Variants in DGKB observed in about 807,000 individuals in gnomAD.
The protein encoded by DGKB is 90 kDa diacylglycerol kinase.
A neutral mutation model predicts 114.3 loss-of-function variants in DGKB; 67 were observed. The observed-to-expected ratio is 0.59, with a 90% CI of 0.48 to 0.72. DGKB has a LOEUF of 0.72. Among genes scored for constraint, DGKB ranks in the 30% least tolerant of loss-of-function variants. The pLI is 0.00. For missense variants in DGKB, 907 were observed against 975.2 expected (o/e 0.93, Z 0.93); for synonymous variants, 398 against 323.1 (o/e 1.23, Z -2.49).
intron 1 of DGKB, among the ~76,000 whole-genome samples, chr7:14,955,121 T>C (rs749582329): frequency 2.6e-5 from 4 of 151,944 alleles, no homozygotes; most frequent in Non-Finnish European, 5.9e-5. Context: ...ACCAACACTA[T>C]AAAAAAATTG....
At chr7:14,323,424 A>T (rs1273876434) in intron 23 of DGKB, among the ~76,000 whole-genome samples, 1 of 152,176 alleles carries the variant, frequency 6.6e-6, no homozygotes, top group East Asian at 1.9e-4. Flanking sequence ...GTTGTAGTTT[A>T]TGACAGCGTT....
At chr7:14,971,905 C>T (rs545750578) in intron 1 of DGKB, among the ~76,000 whole-genome samples, 4 of 151,916 alleles carry the variant, frequency 2.6e-5, no homozygotes, top group South Asian at 2.1e-4. Flanking sequence ...TGTGATTACC[C>T]GGCTAATTTC....
At chr7:14,956,151 T>C (rs1050747578) in intron 1 of DGKB, among the ~76,000 whole-genome samples, 12 of 151,978 alleles carry the variant, frequency 7.9e-5, no homozygotes, top group Admixed American at 5.3e-4. Flanking sequence ...AACCGATAGA[T>C]GTAAAAATTT....
At chr7:14,906,502 G>C (rs1261983255), upstream of DGKB, among the ~76,000 whole-genome samples, 1 of 134,432 alleles carries the variant, frequency 7.4e-6, no homozygotes, top group Non-Finnish European at 1.5e-5. Context: ...TGCCCAGGCT[G>C]GAGTGCAATG....
chr7:14,324,446 C>CAAAAAAAAA (rs5882440), intron 23 of DGKB, among the ~76,000 whole-genome samples: 2 of 118,682 alleles, frequency 1.7e-5, no homozygotes, highest in Non-Finnish European at 1.7e-5. Context: ...GACTCTGTCT[C>CAAAAAAAAA]AAAAAAAAAA....
chr7:14,959,201 A>G (rs1410617976), intron 1 of DGKB, among the ~76,000 whole-genome samples: 1 of 151,944 alleles, frequency 6.6e-6, no homozygotes, highest in Non-Finnish European at 1.5e-5. Context: ...AATATTATAC[A>G]TTTCATCATA....
intron 23 of DGKB, among the ~76,000 whole-genome samples, chr7:14,296,788 A>T (rs796214005): frequency 4.3e-5 from 6 of 138,418 alleles, no homozygotes; most frequent in African/African-American, 1.6e-4. Flanking sequence ...TTTTTTAAAG[A>T]TTAACAAGAT....
chr7:14,642,963 T>G (rs1812104226), intron 13 of DGKB, among the ~76,000 whole-genome samples: 2 of 152,218 alleles, frequency 1.3e-5, no homozygotes, highest in African/African-American at 2.4e-5. Flanking sequence ...TATGGCTATA[T>G]GTTTAAGATT....
chr7:14,959,894 T>G, intron 1 of DGKB, among the ~76,000 whole-genome samples: 1 of 152,232 alleles, frequency 6.6e-6, no homozygotes, highest in Middle Eastern at 3.4e-3. Context: ...ACACATATAC[T>G]TATTTATAAG....
chr7:14,594,939 G>C (rs567885975), intron 17 of DGKB, among the ~76,000 whole-genome samples: 1 of 152,178 alleles, frequency 6.6e-6, no homozygotes, highest in African/African-American at 2.4e-5. Flanking sequence ...AACTGAGATA[G>C]ATTCCAGAGA....
At chr7:14,963,317 C>G (rs1391570073) in intron 1 of DGKB, among the ~76,000 whole-genome samples, 2 of 152,066 alleles carry the variant, frequency 1.3e-5, no homozygotes, top group Non-Finnish European at 1.5e-5. Context: ...ATGTACTTTT[C>G]ATTGTCTAAC....
chr7:14,562,085 G>A (rs1796740299), intron 20 of DGKB, among the ~76,000 whole-genome samples: 1 of 152,208 alleles, frequency 6.6e-6, no homozygotes, highest in Non-Finnish European at 1.5e-5. Context: ...GGTTAAAAGG[G>A]ACCAAGGTAC....
chr7:14,503,148 T>G (rs1052033837), intron 20 of DGKB, among the ~76,000 whole-genome samples: 1 of 152,148 alleles, frequency 6.6e-6, no homozygotes, highest in African/African-American at 2.4e-5. Context: ...GCTCAAAAAA[T>G]ATGTTTCTTA....
At chr7:14,662,600 C>A (rs974306022) in intron 13 of DGKB, among the ~76,000 whole-genome samples, 1 of 151,832 alleles carries the variant, frequency 6.6e-6, no homozygotes, top group African/African-American at 2.4e-5. Flanking sequence ...ACAGTTTCAA[C>A]TAAAATATGA....
chr7:14,219,560 G>A (rs190620639), intron 23 of DGKB, among the ~76,000 whole-genome samples: 6 of 151,660 alleles, frequency 4.0e-5, no homozygotes, highest in South Asian at 2.1e-4. Flanking sequence ...TCTTCTATAC[G>A]TATATATACC....
rs187178572 is a variant in DGKB, at chr7:14,176,904, G to A, written c.2244-5C>T. ...ATTGGCAGAGACTTGCTCGTCCTGG[G>A]GGAAAATATTTCATTGTAAGTATTG... On this transcript the variant is annotated splice_polypyrimidine_tract_variant and splice_region_variant and intron_variant, in intron 24 of 25. Transcript: ENST00000402815. 2 of 1,613,142 alleles carry A rather than the reference G, an allele frequency of 1.2e-6. No individual in the cohort carries two copies. The highest frequency in any genetic ancestry group is 3.3e-5 in the Admixed American group (2 of 60,010).
At chr7:14,172,054 G>A (rs763256293) in intron 25 of DGKB, among the ~76,000 whole-genome samples, 1 of 152,198 alleles carries the variant, frequency 6.6e-6, no homozygotes, top group Non-Finnish European at 1.5e-5. Flanking sequence ...GTGGAAGGAG[G>A]GGTTGTGCTC....
chr7:14,655,918 T>C (rs1267438446), intron 13 of DGKB, among the ~76,000 whole-genome samples: 1 of 151,652 alleles, frequency 6.6e-6, no homozygotes. Context: ...GGTTAACTGA[T>C]ACAAAATTAC....
intron 1 of DGKB, among the ~76,000 whole-genome samples, chr7:14,928,190 A>C (rs2128249703): frequency 6.6e-6 from 1 of 152,138 alleles, no homozygotes; most frequent in East Asian, 1.9e-4. Context: ...AGATGTGAAC[A>C]AACAGCCCTG....
Sources: allele counts gnomAD v4.1 joint callset (sites outside exome capture counted in the v4.1 genomes callset), GRCh38; gene constraint gnomAD v4.1.1; transcripts MANE v1.5; gene names NCBI Gene and HGNC (gene_info 2026-07-23, HGNC 2026-07-21).